The following NRXN1 variants were observed in gnomAD, a reference collection of about 807,000 sequenced individuals.
NRXN1 encodes the protein neurexin 1.
In NRXN1, 39 loss-of-function variants were observed where a neutral mutation model predicts 150.9. That is an observed-to-expected ratio of 0.26 (90% CI 0.20 to 0.34). NRXN1 has a LOEUF of 0.34. Among genes scored for constraint, NRXN1 ranks in the 10% least tolerant of loss-of-function variants. The probability of loss-of-function intolerance (pLI) is 1.00; values close to 1 mark genes in which losing one functional copy is unlikely to be tolerated. For missense variants in NRXN1, 1,815 were observed against 1,949.9 expected (o/e 0.93, Z 1.30); for synonymous variants, 924 against 757.0 (o/e 1.22, Z -3.62).
chr2:50,240,408 T>G (rs1302950386), intron 17 of NRXN1, among the ~76,000 whole-genome samples: 1 of 151,748 alleles, frequency 6.6e-6, no homozygotes, highest in Non-Finnish European at 1.5e-5. Flanking sequence ...TCTACATACT[T>G]CTATAAGCAC....
At chr2:50,484,548 C>A (rs1361235812) in intron 15 of NRXN1, among the ~76,000 whole-genome samples, 1 of 152,166 alleles carries the variant, frequency 6.6e-6, no homozygotes, top group Non-Finnish European at 1.5e-5. Flanking sequence ...TTTGCACCAG[C>A]CGATGACTGA....
At chr2:50,915,241 G>A (rs1685052212) in intron 5 of NRXN1, among the ~76,000 whole-genome samples, 1 of 151,478 alleles carries the variant, frequency 6.6e-6, no homozygotes, top group Non-Finnish European at 1.5e-5. Context: ...GCTTTTCCTT[G>A]AAAATGTGGT....
intron 5 of NRXN1, among the ~76,000 whole-genome samples, chr2:50,826,219 T>C (rs901587894): frequency 2.0e-5 from 3 of 152,166 alleles, no homozygotes; most frequent in Non-Finnish European, 2.9e-5. Flanking sequence ...ACTAAAAAGG[T>C]AGCATCTGAG....
intron 2 of NRXN1, among the ~76,000 whole-genome samples, chr2:50,980,906 T>C (rs987774335): frequency 6.6e-6 from 1 of 152,068 alleles, no homozygotes; most frequent in East Asian, 1.9e-4. Context: ...AATCTCAATA[T>C]ACCCTGCTGT....
intron 2 of NRXN1, among the ~76,000 whole-genome samples, chr2:50,931,070 A>G (rs2104390589): frequency 6.6e-6 from 1 of 152,242 alleles, no homozygotes; most frequent in Middle Eastern, 3.4e-3. Context: ...GACAGGAGAC[A>G]TCCTTTGGCC....
At chr2:51,021,207 T>C (rs370063118) in intron 2 of NRXN1, among the ~76,000 whole-genome samples, 165 of 152,130 alleles carry the variant, frequency 1.1e-3, no homozygotes, top group African/African-American at 3.9e-3. Flanking sequence ...ATAGCTTATA[T>C]ACTTTTTGAG....
At chr2:50,411,599 G>A (rs896165803) in intron 17 of NRXN1, among the ~76,000 whole-genome samples, 18 of 150,294 alleles carry the variant, frequency 1.2e-4, no homozygotes, top group Admixed American at 7.3e-4. Flanking sequence ...CTGCCCCACC[G>A]CCACCCCTTC....
At chr2:50,997,746 C>A (rs565170743) in intron 2 of NRXN1, among the ~76,000 whole-genome samples, 14 of 141,206 alleles carry the variant, frequency 9.9e-5, no homozygotes, top group Non-Finnish European at 6.0e-5. Context: ...GGGCCTTAAG[C>A]AATCCTCCCG....
chr2:50,279,085 G>T (rs1316804801), intron 17 of NRXN1, among the ~76,000 whole-genome samples: 1 of 152,088 alleles, frequency 6.6e-6, no homozygotes, highest in East Asian at 1.9e-4. Context: ...TCATTTGTCA[G>T]GGACTATCCT....
At chr2:50,934,395 ATC>A (rs1688216931) in intron 2 of NRXN1, among the ~76,000 whole-genome samples, 1 of 152,156 alleles carries the variant, frequency 6.6e-6, no homozygotes, top group South Asian at 2.1e-4. Flanking sequence ...TCCTCTTTGT[ATC>A]TGTTATTTCA....
chr2:50,598,541 T>C (rs1573723743), intron 8 of NRXN1, among the ~76,000 whole-genome samples: 1 of 146,608 alleles, frequency 6.8e-6, no homozygotes, highest in Admixed American at 7.0e-5. Flanking sequence ...CTAACTCTCC[T>C]ATATATGTGT....
intron 2 of NRXN1, among the ~76,000 whole-genome samples, chr2:50,984,995 T>C (rs778308566): frequency 2.7e-4 from 41 of 152,062 alleles, no homozygotes; most frequent in Admixed American, 7.2e-4. Flanking sequence ...AGATTCAACA[T>C]TTGTTAGTTT....
At chr2:50,926,980 G>A (rs1686995811) in intron 2 of NRXN1, among the ~76,000 whole-genome samples, 1 of 151,914 alleles carries the variant, frequency 6.6e-6, no homozygotes, top group African/African-American at 2.4e-5. Context: ...GCAAGAAATG[G>A]AAGGGAAAGC....
At chr2:50,803,009 T>C (rs1031071568) in intron 5 of NRXN1, among the ~76,000 whole-genome samples, 2 of 152,240 alleles carry the variant, frequency 1.3e-5, no homozygotes, top group Non-Finnish European at 2.9e-5. Context: ...TGATAGTTTC[T>C]TTTGCTGTAA....
chr2:50,471,768 A>G (rs2089488884), intron 16 of NRXN1, among the ~76,000 whole-genome samples: 1 of 151,918 alleles, frequency 6.6e-6, no homozygotes, highest in Non-Finnish European at 1.5e-5. Context: ...ATCAGGAAAA[A>G]TAACTAATGC....
rs1177535869 is a variant in NRXN1, at chr2:50,277,405, C to T, written c.3365-40435G>A. On this transcript the variant is annotated intron_variant, in intron 17 of 22. Transcript: ENST00000401669. ...CCGTCCTTCCTTCCTTCCTTCCTCC[C>T]TCCTTCCCTTCCTTCCTTCCTCCCT... is the stretch of plus-strand genomic sequence containing the variant. 3.9e-3 allele frequency among the ~76,000 whole-genome samples: 258 copies of T among 65,782 alleles called. 2 individuals carry two copies. Among genetic ancestry groups the T allele is most frequent in the South Asian group, 0.013 (21 of 1,592 alleles). 43.2% of individuals were successfully genotyped at this position (65,782 alleles called of 152,430 possible).
At chr2:50,222,565 T>G (rs1302917469) in intron 18 of NRXN1, among the ~76,000 whole-genome samples, 1 of 151,972 alleles carries the variant, frequency 6.6e-6, no homozygotes, top group Admixed American at 6.6e-5. Context: ...TGTGAAACGA[T>G]ATTTTTACAA....
chr2:50,587,516 A>G (rs1484381364), intron 8 of NRXN1, among the ~76,000 whole-genome samples: 1 of 152,144 alleles, frequency 6.6e-6, no homozygotes, highest in Non-Finnish European at 1.5e-5. Context: ...CCTATTGCAG[A>G]AAGTTGCCTT....
chr2:50,476,268 A>G (rs1322709186), intron 15 of NRXN1, among the ~76,000 whole-genome samples: 1 of 152,128 alleles, frequency 6.6e-6, no homozygotes, highest in Admixed American at 6.5e-5. Flanking sequence ...TTATCTGTGA[A>G]TGAACTGGGG....
Sources: gnomAD v4.1 joint callset for allele counts (sites outside exome capture counted in the v4.1 genomes callset) on GRCh38, gnomAD v4.1.1 for gene constraint, MANE v1.5 for transcripts, NCBI Gene and HGNC (gene_info 2026-07-23, HGNC 2026-07-21) for gene names.